Variants in TAFA1 observed in about 807,000 individuals in gnomAD.
TAFA1 encodes chemokine-like protein TAFA-1.
A neutral mutation model predicts 18.5 loss-of-function variants in TAFA1; 4 were observed. The ratio of observed to expected loss-of-function variants is 0.22; its 90% CI spans 0.11 to 0.49. TAFA1 has a LOEUF of 0.49. Ranked by LOEUF, TAFA1 falls within the 20% of genes least tolerant of loss-of-function variation. The pLI is 0.98. For synonymous variants in TAFA1, 56 were observed against 55.2 expected, an observed-to-expected ratio of 1.01 and a Z score of -0.06; for missense variants, 147 against 169.0, an observed-to-expected ratio of 0.87 and a Z score of 0.72.
At chr3:68,235,410 T>A (rs140428684) in intron 2 of TAFA1, among the ~76,000 whole-genome samples, 19 of 152,266 alleles carry the variant, frequency 1.2e-4, no homozygotes, top group Admixed American at 1.2e-3. Context: ...GTTATTTAAT[T>A]TTTTTTCAGC....
intron 3 of TAFA1, among the ~76,000 whole-genome samples, chr3:68,477,188 CT>C (rs981801529): frequency 6.6e-6 from 1 of 151,746 alleles, no homozygotes; most frequent in Non-Finnish European, 1.5e-5. Flanking sequence ...AGTATATACT[CT>C]TTTATATATT....
At chr3:68,036,586 G>A (rs1705054690) in intron 2 of TAFA1, among the ~76,000 whole-genome samples, 1 of 152,030 alleles carries the variant, frequency 6.6e-6, no homozygotes, top group African/African-American at 2.4e-5. Flanking sequence ...CTTTCAAGTT[G>A]AGGAAAACTC....
intron 2 of TAFA1, among the ~76,000 whole-genome samples, chr3:68,213,889 C>A (rs190943889): frequency 6.6e-6 from 1 of 152,052 alleles, no homozygotes; most frequent in African/African-American, 2.4e-5. Context: ...TCAACCTTGA[C>A]TTTCATAAAA....
At chr3:68,306,779 T>A (rs2068431280) in intron 2 of TAFA1, among the ~76,000 whole-genome samples, 2 of 152,170 alleles carry the variant, frequency 1.3e-5, no homozygotes, top group South Asian at 4.1e-4. Context: ...GAATCTCCCC[T>A]ACACAGGAGC....
At chr3:68,103,589 T>C (rs2065173130) in intron 2 of TAFA1, among the ~76,000 whole-genome samples, 1 of 152,172 alleles carries the variant, frequency 6.6e-6, no homozygotes. Context: ...AATTCACTCA[T>C]GTTGAATTAA....
At chr3:68,132,915 A>G (rs2065560948) in intron 2 of TAFA1, among the ~76,000 whole-genome samples, 3 of 152,038 alleles carry the variant, frequency 2.0e-5, no homozygotes. Flanking sequence ...TTTTGTTGCC[A>G]TTGCTTTTGG....
chr3:68,419,685 A>C (rs2070917231), intron 3 of TAFA1, among the ~76,000 whole-genome samples: 1 of 152,146 alleles, frequency 6.6e-6, no homozygotes, highest in Non-Finnish European at 1.5e-5. Context: ...CTTGGTGTTC[A>C]TTGTTCTTCC....
intron 2 of TAFA1, among the ~76,000 whole-genome samples, chr3:68,345,277 G>A (rs145230708): frequency 6.6e-6 from 1 of 152,142 alleles, no homozygotes; most frequent in Non-Finnish European, 1.5e-5. Flanking sequence ...ACCAGGGCCA[G>A]ATCTAATCCT....
Position 68,167,989 on chromosome 3 carries a change from A to G in TAFA1, c.118+161245A>G, listed in dbSNP as rs147433982. 1.2e-3 allele frequency among the ~76,000 whole-genome samples: 184 copies of G among 152,226 alleles called. 2 individuals are homozygous for G. The highest frequency in any genetic ancestry group is 0.01 in the Middle Eastern group (3 of 294). ...GAAGACAACTTTGCACCTAAATGTA[A>G]AAGTCACTTTCAATGTCATTGTCCT... On this transcript the variant is annotated intron_variant, in intron 2 of 4. Transcript: ENST00000478136.
chr3:68,027,788 G>T (rs1014084241), intron 2 of TAFA1, among the ~76,000 whole-genome samples: 2 of 152,074 alleles, frequency 1.3e-5, no homozygotes, highest in African/African-American at 4.8e-5. Context: ...ATATTAACTA[G>T]TGTTCTCAGC....
chr3:68,445,278 A>G (rs1256081919), intron 3 of TAFA1, among the ~76,000 whole-genome samples: 1 of 152,132 alleles, frequency 6.6e-6, no homozygotes, highest in Non-Finnish European at 1.5e-5. Flanking sequence ...TGGGAAAGTG[A>G]TAACGACCAC....
At chr3:68,003,115 C>A (rs772881306), upstream of TAFA1, among the ~76,000 whole-genome samples, 1 of 152,150 alleles carries the variant, frequency 6.6e-6, no homozygotes, top group Non-Finnish European at 1.5e-5. Flanking sequence ...ACTTAGAAAT[C>A]TGTTTAGAGG....
At position 68,175,089 on chromosome 3, in the gene TAFA1, A is replaced by G. The variant is rs190902350; in HGVS notation, c.118+168345A>G. Among the ~76,000 whole-genome samples the G allele has an allele frequency of 3.4e-3, 513 of 152,368 alleles. 2 individuals are homozygous for G. The highest frequency in any genetic ancestry group is 0.01 in the Middle Eastern group (3 of 294). ...CAAGGTGCTGAGCTTGCAAGTGTAC[A>G]GAAATCAAGAATGAAGGTTTGGGAA... On this transcript the variant is annotated intron_variant, in intron 2 of 4. Transcript: ENST00000478136.
intron 2 of TAFA1, among the ~76,000 whole-genome samples, chr3:68,091,939 C>G (rs2106798505): frequency 6.6e-6 from 1 of 152,242 alleles, no homozygotes; most frequent in Non-Finnish European, 1.5e-5. Context: ...TTCACCTTGT[C>G]CTGTGTTTTC....
chr3:68,291,034 T>C (rs1038292424), intron 2 of TAFA1, among the ~76,000 whole-genome samples: 7 of 152,236 alleles, frequency 4.6e-5, no homozygotes, highest in African/African-American at 1.7e-4. Flanking sequence ...AGTGTCACTG[T>C]GAACATCAAA....
At chr3:68,120,848 A>T (rs1359523936) in intron 2 of TAFA1, among the ~76,000 whole-genome samples, 2 of 152,230 alleles carry the variant, frequency 1.3e-5, no homozygotes, top group Non-Finnish European at 2.9e-5. Flanking sequence ...ACTGTCTGAA[A>T]TACTAAAGGC....
chr3:68,225,551 G>A (rs1575690740), intron 2 of TAFA1, among the ~76,000 whole-genome samples: 1 of 152,206 alleles, frequency 6.6e-6, no homozygotes, highest in South Asian at 2.1e-4. Context: ...ACAAGGTGTG[G>A]ATACTGATAG....
chr3:68,192,082 C>T (rs1465759996), intron 2 of TAFA1, among the ~76,000 whole-genome samples: 1 of 151,696 alleles, frequency 6.6e-6, no homozygotes, highest in African/African-American at 2.4e-5. Flanking sequence ...TTCCTAAGTG[C>T]TTCTTGTCTT....
chr3:68,499,625 G>A (rs1232332097), intron 3 of TAFA1, among the ~76,000 whole-genome samples: 1 of 151,800 alleles, frequency 6.6e-6, no homozygotes, highest in Non-Finnish European at 1.5e-5. Context: ...TGTGTGGTGA[G>A]TGAACCCCAC....
Sources: gnomAD v4.1 joint callset for allele counts (sites outside exome capture counted in the v4.1 genomes callset) on GRCh38, gnomAD v4.1.1 for gene constraint, MANE v1.5 for transcripts, NCBI Gene and HGNC (gene_info 2026-07-23, HGNC 2026-07-21) for gene names.